The following CFAP299 variants were observed in gnomAD, a reference collection of about 807,000 sequenced individuals.
The protein encoded by CFAP299 is cilia and flagella associated protein 299, also known as cilia- and flagella-associated protein 299.
In CFAP299, 21 loss-of-function variants were observed where a neutral mutation model predicts 27.0. That is an observed-to-expected ratio of 0.78 (90% CI 0.55 to 1.12). CFAP299 has a LOEUF of 1.12. Among genes scored for constraint, CFAP299 ranks in the 50% most tolerant of loss-of-function variants. CFAP299 has a pLI of 0.00. For missense variants in CFAP299, 310 were observed against 276.6 expected, an observed-to-expected ratio of 1.12 and a Z score of -0.86; for synonymous variants, 104 against 98.1, an observed-to-expected ratio of 1.06 and a Z score of -0.36.
At chr4:80,837,339 G>A (rs1056856519) in intron 3 of CFAP299, among the ~76,000 whole-genome samples, 1 of 152,110 alleles carries the variant, frequency 6.6e-6, no homozygotes, top group African/African-American at 2.4e-5. Context: ...AGAACATGGA[G>A]GTTTGTTACA....
chr4:80,925,475 C>T (rs142320739), intron 4 of CFAP299, among the ~76,000 whole-genome samples: 206 of 151,982 alleles, frequency 1.4e-3, no homozygotes, highest in African/African-American at 4.8e-3. Context: ...AAAAAGATTG[C>T]TGAGTATATG....
At chr4:80,684,236 T>C (rs922554059) in intron 3 of CFAP299, among the ~76,000 whole-genome samples, 1 of 150,766 alleles carries the variant, frequency 6.6e-6, no homozygotes, top group Non-Finnish European at 1.5e-5. Context: ...CTGTTCGTTT[T>C]TATTTCTGTT....
intron 4 of CFAP299, among the ~76,000 whole-genome samples, chr4:80,927,652 A>G (rs1002731197): frequency 6.6e-6 from 1 of 152,034 alleles, no homozygotes; most frequent in Non-Finnish European, 1.5e-5. Flanking sequence ...TCTTGGCAAA[A>G]TCTAGTTCCT....
intron 3 of CFAP299, among the ~76,000 whole-genome samples, chr4:80,632,920 A>G (rs1279304462): frequency 1.3e-5 from 2 of 152,186 alleles, no homozygotes; most frequent in Non-Finnish European, 2.9e-5. Context: ...AAAAAGCACA[A>G]TCTTATCATC....
chr4:80,869,810 G>A (rs1204853083), intron 3 of CFAP299, among the ~76,000 whole-genome samples, 183 bp from the exon 4 acceptor site: 1 of 152,122 alleles, frequency 6.6e-6, no homozygotes, highest in Non-Finnish European at 1.5e-5. Flanking sequence ...CGTGCTGGGC[G>A]AGTAACATGT....
intron 2 of CFAP299, among the ~76,000 whole-genome samples, chr4:80,437,153 A>T (rs1277191362): frequency 6.6e-6 from 1 of 152,194 alleles, no homozygotes; most frequent in Non-Finnish European, 1.5e-5. Flanking sequence ...ATACAACTAA[A>T]TATCATCTAG....
At chr4:80,544,627 A>C (rs1235160958) in intron 2 of CFAP299, among the ~76,000 whole-genome samples, 1 of 152,222 alleles carries the variant, frequency 6.6e-6, no homozygotes, top group East Asian at 1.9e-4. Flanking sequence ...AAAGAGCATT[A>C]CATAATAATA....
At chr4:80,390,922 T>TATGTATATATGTATGTACACAC (rs1560544035) in intron 2 of CFAP299, among the ~76,000 whole-genome samples, 10 of 36,196 alleles carry the variant, frequency 2.8e-4, no homozygotes, top group Admixed American at 4.0e-4. Flanking sequence ...TATACACACA[T>TATGTATATATGTATGTACACAC]ATGTATATAT....
intron 3 of CFAP299, among the ~76,000 whole-genome samples, chr4:80,849,917 C>A (rs563111360): frequency 6.6e-6 from 1 of 151,994 alleles, no homozygotes; most frequent in Non-Finnish European, 1.5e-5. Flanking sequence ...GATGGATATG[C>A]TAATTACCCA....
intron 2 of CFAP299, among the ~76,000 whole-genome samples, chr4:80,486,324 CTG>C (rs1340067777): frequency 1.3e-5 from 2 of 152,132 alleles, no homozygotes; most frequent in Admixed American, 1.3e-4. Flanking sequence ...CAAATTGTAG[CTG>C]TGTTTTCTGA....
At chr4:80,548,277 A>G (rs12640535) in intron 2 of CFAP299, among the ~76,000 whole-genome samples, 15,910 of 152,214 alleles carry the variant, frequency 0.1, 987 homozygotes, top group Middle Eastern at 0.19. Flanking sequence ...GAACTAATGC[A>G]GGAACAGAAA....
intron 3 of CFAP299, among the ~76,000 whole-genome samples, chr4:80,678,758 A>T (rs774011855): frequency 2.6e-5 from 4 of 152,036 alleles, no homozygotes; most frequent in Non-Finnish European, 5.9e-5. Context: ...TTGAATTTGA[A>T]ATAAGTATGG....
intron 2 of CFAP299, among the ~76,000 whole-genome samples, chr4:80,512,670 T>G (rs564940358): frequency 6.6e-6 from 1 of 152,056 alleles, no homozygotes; most frequent in African/African-American, 2.4e-5. Context: ...TGGGGACTTA[T>G]CTTGCTGCAG....
chr4:80,840,923 T>A (rs1056244619), intron 3 of CFAP299, among the ~76,000 whole-genome samples: 68 of 152,166 alleles, frequency 4.5e-4, no homozygotes, highest in Non-Finnish European at 2.6e-4. Flanking sequence ...GTTAGTTATC[T>A]CTAATCAGAG....
intron 3 of CFAP299, among the ~76,000 whole-genome samples, chr4:80,700,390 A>G (rs1277247453): frequency 6.6e-6 from 1 of 152,156 alleles, no homozygotes; most frequent in Non-Finnish European, 1.5e-5. Context: ...GTAATTAATC[A>G]TAATACTTAT....
At chr4:80,896,949 T>G (rs1222596744) in intron 4 of CFAP299, among the ~76,000 whole-genome samples, 1 of 152,106 alleles carries the variant, frequency 6.6e-6, no homozygotes, top group African/African-American at 2.4e-5. Flanking sequence ...TTGAGGGAAG[T>G]ACGGGAAAGA....
intron 3 of CFAP299, among the ~76,000 whole-genome samples, chr4:80,848,293 G>A (rs1173837460): frequency 6.6e-6 from 1 of 151,980 alleles, no homozygotes; most frequent in African/African-American, 2.4e-5. Context: ...AAAGTGATGA[G>A]TACTAACATA....
chr4:80,922,808 TATAA>T (rs1280711217), intron 4 of CFAP299, among the ~76,000 whole-genome samples: 2 of 150,400 alleles, frequency 1.3e-5, no homozygotes, highest in Non-Finnish European at 3.0e-5. Context: ...CTTAAAGTGT[TATAA>T]ATGTTAAAAT....
intron 4 of CFAP299, among the ~76,000 whole-genome samples, chr4:80,919,464 A>G (rs900566221): frequency 2.6e-5 from 4 of 152,148 alleles, no homozygotes; most frequent in African/African-American, 2.4e-5. Flanking sequence ...TTTCTATTAT[A>G]GTTTCAGGCT....
Sources: gnomAD v4.1 joint callset for allele counts (sites outside exome capture counted in the v4.1 genomes callset) on GRCh38, gnomAD v4.1.1 for gene constraint, MANE v1.5 for transcripts, NCBI Gene and HGNC (gene_info 2026-07-23, HGNC 2026-07-21) for gene names.